Variants in PSMB10 observed in about 807,000 individuals in gnomAD.
The protein encoded by PSMB10 is proteasome 20S subunit beta 10.
In PSMB10, 29 loss-of-function variants were observed where a neutral mutation model predicts 29.8. The observed-to-expected ratio is 0.97, with a 90% confidence interval of 0.73 to 1.33. PSMB10 has a LOEUF of 1.33. PSMB10 is among the 40% of genes most tolerant of loss of function. The pLI, the probability that PSMB10 is intolerant of heterozygous loss-of-function variation, is 0.00. For missense variants in PSMB10, 327 were observed against 369.2 expected (o/e 0.89, Z 0.94); for synonymous variants, 157 against 164.7 (o/e 0.95, Z 0.36).
In PSMB10 at chr16:67,934,658, G is replaced by T. The variant is rs2058255650; in HGVS notation, c.724C>A (p.His242Asn). Residue 242 changes from histidine (H) to asparagine (N), a missense_variant, in exon 8 of 8, where the codon CAC becomes AAC. Coordinates refer to ENST00000358514, the MANE Select transcript of PSMB10 (RefSeq NM_002801.4). The surrounding 1 kb of genome is among the most constrained non-coding windows in gnomAD (Gnocchi z 4.3). ...ACAGCTGTGGTTCCAGGCACAAAGT[G>T]GTAGCGGCCAGACCTGGGAGGGAGG... ...TEPVKRSGRY[H>N]FVPGTTAVLT... 1.2e-6 allele frequency: 2 copies of T among 1,613,986 alleles called. No homozygotes were observed. The highest frequency in any genetic ancestry group is 2.7e-5 in the African/African-American group (2 of 74,884).
intron 4 of PSMB10, 32 bp downstream of exon 4, chr16:67,935,931 C>G: frequency 6.3e-7 from 1 of 1,592,796 alleles, no homozygotes; most frequent in Non-Finnish European, 8.6e-7. Context: ...GTAACTACCC[C>G]TGCCGGGGTC....
At position 67,935,973 on chromosome 16, in the gene PSMB10, T is replaced by C. The variant is rs2058261939; in HGVS notation, c.373A>G (p.Thr125Ala). The C allele has an allele frequency of 3.1e-6, 5 of 1,610,730 alleles. No homozygotes were observed. Among genetic ancestry groups the C allele is most frequent in the Admixed American group, 1.7e-5 (1 of 59,928 alleles). The change falls in exon 4 of 8, where the codon ACG becomes GCG. Residue 125 changes from threonine (T) to alanine (A), a missense_variant. Physicochemically the swap from Thr to Ala is moderately conservative, Grantham distance 58. Coordinates refer to ENST00000358514, the MANE Select transcript of PSMB10 (RefSeq NM_002801.4). ...GCCCTGCCCCCGCACCTGAAGAGCG[T>C]CTGGCGCAGGATGCGAGTGACCGTG... is the stretch of plus-strand genomic sequence containing the variant. ...VATVTRILRQ[T>A]LFRYQGHVGA...
chr16:67,936,068 ATCTC>A lies in PSMB10; in HGVS notation c.274_277del (p.Glu92Ter). The A allele has an allele frequency of 3.7e-6, 6 of 1,611,618 alleles. No homozygotes were observed. In the South Asian group the frequency reaches 5.5e-5, roughly 15 times the overall value. ...CTTGGACGCCACCATCCGTGTGGTC[ATCTC>A]GGCGTCCGCGGCTACTCCAGCCCCA... On this transcript the variant is annotated frameshift_variant, in exon 4 of 8. Transcript: ENST00000358514. LOFTEE classifies it high-confidence loss of function.
chr16:67,935,757 C>T, intron 4 of PSMB10, 60 bp from the exon 5 acceptor site: 1 of 1,571,560 alleles, frequency 6.4e-7, no homozygotes, highest in Non-Finnish European at 8.7e-7. Context: ...CTCTCTATGC[C>T]CAGCTCCTAG....
At position 67,935,598 on chromosome 16, in the gene PSMB10, C is replaced by CAGAA; in HGVS notation, c.482_483insTTCT (p.Pro162SerfsTer45). On this transcript the variant is annotated frameshift_variant, in exon 5 of 8. Coordinates refer to ENST00000358514, the MANE Select transcript of PSMB10 (RefSeq NM_002801.4). LOFTEE classifies it high-confidence loss of function. ...AGCGCTCACCCAGGGCTGTGAAGGG[C>CAGAA]AGACGGCTGTAGGAGCCATGGGGAT... 1 of 1,614,220 alleles carries CAGAA rather than the reference C, an allele frequency of 6.2e-7. No individual in the cohort carries two copies. The highest frequency in any genetic ancestry group is 2.2e-5 in the East Asian group (1 of 44,882).
At chr16:67,935,876 G>T in intron 4 of PSMB10, 87 bp downstream of exon 4, 1 of 1,540,906 alleles carries the variant, frequency 6.5e-7, no homozygotes, top group South Asian at 1.2e-5. Context: ...GGCCCGTCGC[G>T]GTCCCGCCCT....
rs748920962 is a variant in PSMB10, at chr16:67,934,760, C to T, written c.710+37G>A. The T allele has an allele frequency of 1.4e-5, 23 of 1,610,392 alleles. No homozygotes were observed. The highest frequency in any genetic ancestry group is 1.9e-5 in the Non-Finnish European group (22 of 1,176,986). On this transcript the variant is annotated intron_variant, in intron 7 of 7. Transcript: ENST00000358514. This position sits in a 1 kb window ranked among gnomAD's most constrained non-coding sequence, Gnocchi z 4.3. ...GCCCCCTATCTCCCCTGCTATAGCC[C>T]CACACATCCCTGTGGTCCCCGATCT...
rs1242688306 is a variant in PSMB10 at position 67,935,253 on chromosome 16, G to C, written c.558+167C>G. The C allele has an allele frequency of 9.7e-6, 8 of 825,080 alleles. No homozygotes were observed. The Admixed American group carries it at 1.3e-4, about 13-fold the overall frequency. 51.1% of individuals were successfully genotyped at this position (825,080 alleles called of 1,614,324 possible). A position where few individuals can be genotyped will look rare whatever the true frequency, so the allele number is the denominator to read the frequency against. ...GCCGTGCAGGCTTTGGTATTGGACG[G>C]TGTTATGTCGGGACCGCACTTCTCT... On this transcript the variant is annotated intron_variant, in intron 6 of 7. Transcript: ENST00000358514.
Position 67,935,000 on chromosome 16 carries a change from G to A in PSMB10, c.559-52C>T. On this transcript the variant is annotated intron_variant, in intron 6 of 7. Coordinates refer to ENST00000358514, the MANE Select transcript of PSMB10 (RefSeq NM_002801.4). The surrounding 1 kb of genome is among the most constrained non-coding windows in gnomAD (Gnocchi z 4.3). ...ACGGGCTCTCTCTGCTGTTAACTTA[G>A]GCTACAGCCTGGGGACTTGCCTGTC... 1 of 1,587,350 alleles carries A rather than the reference G, an allele frequency of 6.3e-7. No individual in the cohort carries two copies. Among genetic ancestry groups the A allele is most frequent in the South Asian group, 1.1e-5 (1 of 89,510 alleles).
At chr16:67,936,351 G>T (rs1165824139) in intron 2 of PSMB10, 39 bp from the exon 3 acceptor site, 1 of 1,610,714 alleles carries the variant, frequency 6.2e-7, no homozygotes, top group African/African-American at 1.3e-5. Context: ...GTGCCTGCTC[G>T]ATACTCTCGG....
At chr16:67,935,843 G>C in intron 4 of PSMB10, 120 bp downstream of exon 4, 11 of 1,490,794 alleles carry the variant, frequency 7.4e-6, no homozygotes, top group Non-Finnish European at 1.0e-5. Flanking sequence ...AGGTTCTCTT[G>C]GGCCGGCCTC....
chr16:67,934,925 CAGCAGCCCCTG>C lies in PSMB10; in HGVS notation c.571_581del (p.Gln191GlyfsTer11), dbSNP rs751209739. On this transcript the variant is annotated frameshift_variant, in exon 7 of 8. Coordinates refer to ENST00000358514, the MANE Select transcript of PSMB10 (RefSeq NM_002801.4). LOFTEE classifies it high-confidence loss of function. This position sits in a 1 kb window ranked among gnomAD's most constrained non-coding sequence, Gnocchi z 4.3. ...AGATCCCGGCGGTGACGGCTTCCAC[CAGCAGCCCCTG>C]AGCAGCCTCCAGCTGCGGTGATGGG... 1.2e-6 allele frequency: 2 copies of C among 1,612,564 alleles called. No individual in the cohort carries two copies. Among genetic ancestry groups the C allele is most frequent in the Non-Finnish European group, 1.7e-6 (2 of 1,179,986 alleles).
At chr16:67,936,607 C>T (rs941624351) in intron 1 of PSMB10, 87 bp downstream of exon 1, 12 of 1,452,658 alleles carry the variant, frequency 8.3e-6, no homozygotes, top group African/African-American at 4.3e-5. Context: ...TCGACCAACA[C>T]ACCCTCCCCC....
At chr16:67,935,866 G>C (rs979984570) in intron 4 of PSMB10, 97 bp downstream of exon 4, 5 of 1,525,222 alleles carry the variant, frequency 3.3e-6, no homozygotes, top group Admixed American at 2.0e-5. Flanking sequence ...CCGGTCACCT[G>C]GCCCGTCGCG....
At chr16:67,935,754 T>C in intron 4 of PSMB10, 57 bp from the exon 5 acceptor site, 2 of 1,570,522 alleles carry the variant, frequency 1.3e-6, no homozygotes, top group Non-Finnish European at 1.7e-6. Flanking sequence ...CACCTCTCTA[T>C]GCCCAGCTCC....
In PSMB10 at chr16:67,934,716, G is replaced by C; in HGVS notation, c.711-45C>G. On this transcript the variant is annotated intron_variant, in intron 7 of 7. Coordinates refer to ENST00000358514, the MANE Select transcript of PSMB10 (RefSeq NM_002801.4). This position sits in a 1 kb window ranked among gnomAD's most constrained non-coding sequence, Gnocchi z 4.3. ...GCCTCTGAACATGGGCCTGTCATGT[G>C]GCCCATCCCCTTTTTGCAGCCCCCT... The C allele has an allele frequency of 6.2e-7, 1 of 1,611,554 alleles. No homozygotes were observed. Among genetic ancestry groups the C allele is most frequent in the Non-Finnish European group, 8.5e-7 (1 of 1,177,816 alleles).
At position 67,934,794 on chromosome 16, in the gene PSMB10, C is replaced by G; in HGVS notation, c.710+3G>C. The G allele has an allele frequency of 1.2e-6, 2 of 1,613,344 alleles. No individual in the cohort carries two copies. Among genetic ancestry groups the G allele is most frequent in the Non-Finnish European group, 1.7e-6 (2 of 1,179,396 alleles). On this transcript the variant is annotated splice_donor_region_variant and intron_variant, in intron 7 of 7. Coordinates refer to ENST00000358514, the MANE Select transcript of PSMB10 (RefSeq NM_002801.4). This position sits in a 1 kb window ranked among gnomAD's most constrained non-coding sequence, Gnocchi z 4.3. ...CCTGTGGTCCCCGATCTCCAGCTCT[C>G]ACCTCTTCACGGGCTCTGTGGGTGA...
chr16:67,936,623 CA>C, intron 1 of PSMB10, 70 bp downstream of exon 1: 1 of 1,480,750 alleles, frequency 6.8e-7, no homozygotes, highest in Non-Finnish European at 9.1e-7. Flanking sequence ...CCCCCACCCC[CA>C]GCCAGGAAAA....
rs1353318772 is a variant in PSMB10, at chr16:67,936,279, TG to T, written c.177del (p.Thr60LeufsTer28). ...TTGTCCGCCACGACCGAATCGTTAG[TG>T]GCTCGCGTATCGGCGCCCAGAATGA... ...DGVILGADTR[A>X]TNDSVVADKS... On this transcript the variant is annotated frameshift_variant, in exon 3 of 8. Coordinates refer to ENST00000358514, the MANE Select transcript of PSMB10 (RefSeq NM_002801.4). LOFTEE classifies it high-confidence loss of function. 1 of 1,613,656 alleles carries T rather than the reference TG, an allele frequency of 6.2e-7. No individual in the cohort carries two copies. Among genetic ancestry groups the T allele is most frequent in the African/African-American group, 1.3e-5 (1 of 74,872 alleles).
Sources: gnomAD v4.1 joint callset for allele counts on GRCh38, gnomAD v4.1.1 for gene constraint, Gnocchi (gnomAD v3.1) non-coding constraint, MANE v1.5 for transcripts, NCBI Gene and HGNC (gene_info 2026-07-23, HGNC 2026-07-21) for gene names.